Variants in CNTN3 observed in about 807,000 individuals in gnomAD.
CNTN3 encodes contactin 3.
A neutral mutation model predicts 119.1 loss-of-function variants in CNTN3; 60 were observed. The observed-to-expected ratio is 0.50, with a 90% CI of 0.41 to 0.62. The LOEUF is 0.62. CNTN3 is among the 20% of genes least tolerant of loss of function. The pLI is 0.00. For missense variants in CNTN3, 1,101 were observed against 1,242.4 expected, an observed-to-expected ratio of 0.89 and a Z score of 1.71; for synonymous variants, 450 against 438.7, an observed-to-expected ratio of 1.03 and a Z score of -0.32.
chr3:74,349,242 G>C (rs183657573), intron 11 of CNTN3, among the ~76,000 whole-genome samples: 168 of 152,308 alleles, frequency 1.1e-3, no homozygotes, highest in South Asian at 1.9e-3. Flanking sequence ...TAAGGTGAAG[G>C]CTTTGCAAGA....
At chr3:74,340,659 T>C (rs542180) in intron 11 of CNTN3, among the ~76,000 whole-genome samples, 6,670 of 152,166 alleles carry the variant, frequency 0.044, 399 homozygotes, top group African/African-American at 0.13. Context: ...TGGCAGATTA[T>C]ATCAGAAGTT....
At chr3:74,266,683 T>C in intron 21 of CNTN3, 34 bp from the exon 22 acceptor site, 1 of 1,593,378 alleles carries the variant, frequency 6.3e-7, no homozygotes, top group Non-Finnish European at 8.6e-7. Flanking sequence ...TTACTTGTTA[T>C]ATTGCCCATT....
intron 20 of CNTN3, among the ~76,000 whole-genome samples, chr3:74,275,612 A>G (rs1443148988): frequency 6.6e-6 from 1 of 152,164 alleles, no homozygotes; most frequent in Non-Finnish European, 1.5e-5. Flanking sequence ...AGAACTGCTA[A>G]AAGGAGCTCT....
chr3:74,420,716 AG>A (rs1453899489), intron 5 of CNTN3, among the ~76,000 whole-genome samples: 1 of 152,206 alleles, frequency 6.6e-6, no homozygotes, highest in African/African-American at 2.4e-5. Context: ...GAATGGCAAC[AG>A]GGTGCTGGTT....
intron 16 of CNTN3, 68 bp from the exon 17 acceptor site, chr3:74,300,006 G>C: frequency 1.0e-6 from 1 of 1,004,522 alleles, no homozygotes; most frequent in East Asian, 2.7e-5. Context: ...AAAAGATAAT[G>C]CAATGTTTTT....
intron 5 of CNTN3, among the ~76,000 whole-genome samples, chr3:74,418,919 G>T (rs1403828593): frequency 1.3e-5 from 2 of 151,268 alleles, no homozygotes; most frequent in Non-Finnish European, 2.9e-5. Context: ...CTCCCAAGTA[G>T]CTAGGACTAT....
Position 74,539,593 on chromosome 3 carries a change from A to G in CNTN3, c.-80-18401T>C, listed in dbSNP as rs1703812885. Among the ~76,000 whole-genome samples the G allele has an allele frequency of 2.0e-5, 3 of 152,076 alleles. No homozygotes were observed. In the South Asian group the frequency reaches 6.2e-4, roughly 32 times the overall value. On this transcript the variant is annotated intron_variant, in intron 1 of 22. Coordinates refer to ENST00000263665, the MANE Select transcript of CNTN3 (RefSeq NM_020872.3). ...ACACCAGTTTCTTCTGGGATGAAAA[A>G]AAAAATTAATACGTCATCATCCAGG...
At chr3:74,418,932 G>A (rs961999880) in intron 5 of CNTN3, among the ~76,000 whole-genome samples, 1 of 151,366 alleles carries the variant, frequency 6.6e-6, no homozygotes, top group Non-Finnish European at 1.5e-5. Context: ...AGGACTATAG[G>A]TGCACGCACC....
chr3:74,294,953 A>T (rs1041247536), intron 19 of CNTN3, among the ~76,000 whole-genome samples, 168 bp downstream of exon 19: 1 of 152,186 alleles, frequency 6.6e-6, no homozygotes, highest in African/African-American at 2.4e-5. Flanking sequence ...TTTTCATTCA[A>T]CTGGTTAAAT....
chr3:74,380,324 G>A (rs1018363090), intron 5 of CNTN3, among the ~76,000 whole-genome samples: 2 of 152,206 alleles, frequency 1.3e-5, no homozygotes, highest in African/African-American at 4.8e-5. Context: ...TTGATACAAT[G>A]TGCATTTTGG....
intron 1 of CNTN3, among the ~76,000 whole-genome samples, chr3:74,559,406 C>T (rs1296525464): frequency 6.6e-6 from 1 of 152,084 alleles, no homozygotes; most frequent in African/African-American, 2.4e-5. Flanking sequence ...TTTGGGGCCT[C>T]ATTAGTGCCC....
chr3:74,266,204 T>C (rs899101205), intron 22 of CNTN3, among the ~76,000 whole-genome samples: 2 of 152,106 alleles, frequency 1.3e-5, no homozygotes, highest in African/African-American at 4.8e-5. Context: ...CAAAGGCAAA[T>C]TTAAGTAAAA....
chr3:74,416,987 T>TTG (rs1559591216), intron 5 of CNTN3, among the ~76,000 whole-genome samples: 1 of 129,772 alleles, frequency 7.7e-6, no homozygotes, highest in African/African-American at 3.0e-5. Flanking sequence ...CATTCTAAAA[T>TTG]AAAAAAAAAA....
intron 17 of CNTN3, among the ~76,000 whole-genome samples, chr3:74,298,947 C>T (rs2106812019): frequency 6.6e-6 from 1 of 151,896 alleles, no homozygotes; most frequent in South Asian, 2.1e-4. Context: ...AATTACATCC[C>T]TGTAACTCTA....
intron 22 of CNTN3, 149 bp downstream of exon 22, chr3:74,266,332 T>G: frequency 2.9e-6 from 2 of 696,084 alleles, no homozygotes; most frequent in Non-Finnish European, 4.7e-6. Context: ...GGGTTCCTCT[T>G]GCCCACGTCT....
chr3:74,343,176 T>C (rs1255608903), intron 11 of CNTN3, among the ~76,000 whole-genome samples: 1 of 152,200 alleles, frequency 6.6e-6, no homozygotes, highest in East Asian at 1.9e-4. Context: ...GACAATGGTT[T>C]CCTGACATTT....
intron 5 of CNTN3, among the ~76,000 whole-genome samples, chr3:74,379,998 G>T (rs986883731): frequency 6.6e-6 from 1 of 152,198 alleles, no homozygotes; most frequent in East Asian, 1.9e-4. Context: ...CAAGCTTGCA[G>T]TTCCTGCAAC....
chr3:74,456,679 A>G (rs988973298), intron 4 of CNTN3, among the ~76,000 whole-genome samples: 8 of 152,068 alleles, frequency 5.3e-5, no homozygotes, highest in Non-Finnish European at 1.0e-4. Flanking sequence ...ATTGTTGAAC[A>G]TTTCTTTAAA....
chr3:74,468,902 C>T (rs950464790), intron 4 of CNTN3, among the ~76,000 whole-genome samples: 5 of 151,994 alleles, frequency 3.3e-5, no homozygotes, highest in African/African-American at 4.8e-5. Flanking sequence ...AGGTTCCAAG[C>T]CTGTCATTTA....
Sources: allele counts gnomAD v4.1 joint callset (sites outside exome capture counted in the v4.1 genomes callset), GRCh38; gene constraint gnomAD v4.1.1; transcripts MANE v1.5; gene names NCBI Gene and HGNC (gene_info 2026-07-23, HGNC 2026-07-21).